PTPN4: variants seen among roughly 807,000 people sequenced by gnomAD.
PTPN4 encodes the protein protein tyrosine phosphatase non-receptor type 4.
In PTPN4, 49 loss-of-function variants were observed where a neutral mutation model predicts 135.5. The observed-to-expected ratio is 0.36, with a 90% CI of 0.29 to 0.46. The LOEUF is 0.46. Ranked by LOEUF, PTPN4 falls within the 20% of genes least tolerant of loss-of-function variation. PTPN4 has a pLI of 1.00. For missense variants in PTPN4, 860 were observed against 1,101.0 expected (o/e 0.78, Z 3.10); for synonymous variants, 333 against 369.9 (o/e 0.90, Z 1.14).
chr2:119,953,275 A>G (rs1558773480), intron 19 of PTPN4, among the ~76,000 whole-genome samples: 1 of 152,218 alleles, frequency 6.6e-6, no homozygotes, highest in South Asian at 2.1e-4. Flanking sequence ...GTACCATAGG[A>G]AAGTGAAATA....
In PTPN4 at chr2:119,980,614, C is replaced by A. The variant is rs1310460520; in HGVS notation, c.*3544C>A. 6.6e-6 allele frequency: 1 copy of A among 151,800 alleles called. No homozygotes were observed. Among genetic ancestry groups the A allele is most frequent in the Non-Finnish European group, 1.5e-5 (1 of 67,906 alleles). The allele number at this position is 151,800 out of a possible 1,614,324, so 9.4% of individuals were successfully genotyped here. On this transcript the variant is annotated 3_prime_UTR_variant, in exon 27 of 27. Coordinates refer to ENST00000263708, the MANE Select transcript of PTPN4 (RefSeq NM_002830.4). ...ATAACCTATGTGAATATCATAAATT[C>A]TTGTGAATTTTTGTCTATTTCCAGT...
chr2:119,931,433 CT>C (rs1158907026), intron 13 of PTPN4, among the ~76,000 whole-genome samples: 1,323 of 83,380 alleles, frequency 0.016, 2 homozygotes, highest in African/African-American at 0.043. Flanking sequence ...TTCTTTCTTT[CT>C]TTTTTTTTTT....
chr2:119,977,083 A>G lies in PTPN4; in HGVS notation c.*13A>G, dbSNP rs1444033464. 1 of 1,590,464 alleles carries G rather than the reference A, an allele frequency of 6.3e-7. No individual in the cohort carries two copies. Reference sequence around the variant, plus strand: ...AACAAATAAATAAGAAAGCAAAAAGATCTGGGATATGTGTTGGAAAACTGC... The same window carrying G: ...AACAAATAAATAAGAAAGCAAAAAGGTCTGGGATATGTGTTGGAAAACTGC... On this transcript the variant is annotated 3_prime_UTR_variant, in exon 27 of 27. Transcript: ENST00000263708.
chr2:119,801,486 T>G (rs1334733086), intron 1 of PTPN4, among the ~76,000 whole-genome samples: 1 of 152,224 alleles, frequency 6.6e-6, no homozygotes, highest in African/African-American at 2.4e-5. Flanking sequence ...TATGCCTATT[T>G]GGAGAGAATT....
At chr2:119,961,089 C>T (rs1348953631) in intron 23 of PTPN4, 136 bp downstream of exon 23, 16 of 1,096,098 alleles carry the variant, frequency 1.5e-5, no homozygotes, top group Middle Eastern at 5.9e-4. Context: ...TGTTTTAAAT[C>T]ATCATGTTTA....
At position 119,945,077 on chromosome 2, in the gene PTPN4, C is replaced by G. The variant is rs770718999; in HGVS notation, c.1356-4C>G. The G allele has an allele frequency of 3.2e-6, 5 of 1,574,596 alleles. No individual in the cohort carries two copies. In the African/African-American group the frequency reaches 6.9e-5, roughly 22 times the overall value. On this transcript the variant is annotated splice_region_variant and splice_polypyrimidine_tract_variant and intron_variant, in intron 15 of 26. Coordinates refer to ENST00000263708, the MANE Select transcript of PTPN4 (RefSeq NM_002830.4). ...ACAACTTCCAAATTTGTTTTCTTGT[C>G]TAGATCACAAGAGACCCCTGGAGAT...
At chr2:119,824,589 A>C (rs1677120364) in intron 2 of PTPN4, among the ~76,000 whole-genome samples, 1 of 152,104 alleles carries the variant, frequency 6.6e-6, no homozygotes, top group Non-Finnish European at 1.5e-5. Flanking sequence ...TATAATTTTT[A>C]TCTTTTGTAT....
At chr2:119,874,893 T>C (rs1677963229) in intron 3 of PTPN4, among the ~76,000 whole-genome samples, 1 of 152,216 alleles carries the variant, frequency 6.6e-6, no homozygotes, top group Admixed American at 6.5e-5. Flanking sequence ...TTTCAGAAGC[T>C]ATGTATGAGA....
At chr2:119,795,852 A>G (rs1691247402) in intron 1 of PTPN4, among the ~76,000 whole-genome samples, 2 of 152,094 alleles carry the variant, frequency 1.3e-5, no homozygotes, top group African/African-American at 4.8e-5. Flanking sequence ...CTGCTCCCTC[A>G]CTGGTGGGTG....
intron 9 of PTPN4, among the ~76,000 whole-genome samples, chr2:119,895,916 C>CAAAA (rs534245263): frequency 2.7e-5 from 3 of 111,050 alleles, no homozygotes; most frequent in African/African-American, 6.4e-5. Flanking sequence ...GACTCTGTCT[C>CAAAA]AAAAAAAAAA....
intron 25 of PTPN4, among the ~76,000 whole-genome samples, 158 bp downstream of exon 25, chr2:119,965,803 A>G (rs1420230751): frequency 1.3e-5 from 2 of 152,236 alleles, no homozygotes; most frequent in African/African-American, 2.4e-5. Context: ...GTTCTAACAT[A>G]TGATTGGCAG....
At chr2:119,804,838 C>A (rs1691438827) in intron 1 of PTPN4, among the ~76,000 whole-genome samples, 2 of 152,160 alleles carry the variant, frequency 1.3e-5, no homozygotes, top group Non-Finnish European at 2.9e-5. Flanking sequence ...AGTTCTAGAT[C>A]CTTGAGGAAT....
intron 1 of PTPN4, among the ~76,000 whole-genome samples, chr2:119,797,340 A>T (rs956590237): frequency 1.4e-4 from 21 of 152,150 alleles, no homozygotes; most frequent in African/African-American, 3.6e-4. Flanking sequence ...TCTTATCTTG[A>T]TGCCTGTATG....
At chr2:119,799,241 A>G (rs993708338) in intron 1 of PTPN4, among the ~76,000 whole-genome samples, 3 of 152,166 alleles carry the variant, frequency 2.0e-5, no homozygotes, top group Non-Finnish European at 2.9e-5. Flanking sequence ...GCTATTTTTA[A>G]CCTCCATAAG....
At chr2:119,909,869 A>G (rs1358999799) in intron 10 of PTPN4, among the ~76,000 whole-genome samples, 1 of 152,112 alleles carries the variant, frequency 6.6e-6, no homozygotes, top group Non-Finnish European at 1.5e-5. Flanking sequence ...TAACAAGAGA[A>G]CTATTATTAA....
Position 119,955,372 on chromosome 2 carries a change from C to G in PTPN4, c.1980+49C>G, listed in dbSNP as rs1244390151. On this transcript the variant is annotated intron_variant, in intron 20 of 26. Transcript: ENST00000263708. Reference sequence around the variant, plus strand: ...AAAGCATTTTGCTGATATTTGCTAACTAGTTTCATAGTTTCTTAAGTGCCT... The same window carrying G: ...AAAGCATTTTGCTGATATTTGCTAAGTAGTTTCATAGTTTCTTAAGTGCCT... The G allele has an allele frequency of 2.8e-6, 4 of 1,408,540 alleles. No homozygotes were observed. In the East Asian group the frequency reaches 1.0e-4, roughly 35 times the overall value. 87.3% of individuals were successfully genotyped at this position (1,408,540 alleles called of 1,614,324 possible).
rs1385696886 is a variant in PTPN4, at chr2:119,977,747, A to T, written c.*677A>T. ...AATAATGTAACTTATATTTATCATA[A>T]GGTTGGCTTATTCCAAATCATGTGA... On this transcript the variant is annotated 3_prime_UTR_variant, in exon 27 of 27. Transcript: ENST00000263708. 3 of 152,194 alleles carry T rather than the reference A, an allele frequency of 2.0e-5. No homozygotes were observed. The highest frequency in any genetic ancestry group is 7.2e-5 in the African/African-American group (3 of 41,442). 9.4% of individuals were successfully genotyped at this position (152,194 alleles called of 1,614,324 possible). A position where few individuals can be genotyped will look rare whatever the true frequency, so the allele number is the denominator to read the frequency against.
At chr2:119,783,422 A>G (rs1408832542) in intron 1 of PTPN4, among the ~76,000 whole-genome samples, 1 of 151,208 alleles carries the variant, frequency 6.6e-6, no homozygotes, top group Admixed American at 6.6e-5. Flanking sequence ...TTTCTGGGGC[A>G]AGTGTTGAGG....
In PTPN4 at chr2:119,847,328, A is replaced by ATTTTTT. The variant is rs150876390; in HGVS notation, c.139-15197_139-15192dup. Among the ~76,000 whole-genome samples, 146 of 102,718 alleles carry ATTTTTT rather than the reference A, an allele frequency of 1.4e-3. 3 individuals carry two copies. Among genetic ancestry groups the ATTTTTT allele is most frequent in the African/African-American group, 5.9e-3 (135 of 22,888 alleles). The allele number at this position is 102,718 out of a possible 152,430, so 67.4% of individuals were successfully genotyped here. A position where few individuals can be genotyped will look rare whatever the true frequency, so the allele number is the denominator to read the frequency against. On this transcript the variant is annotated intron_variant, in intron 2 of 26. Coordinates refer to ENST00000263708, the MANE Select transcript of PTPN4 (RefSeq NM_002830.4). The stretch of plus-strand genomic sequence containing the variant: ...CACACACACACACATATATATATAT[A>ATTTTTT]TTTTTTTTTTTTTTTTGAGACAGAG...
Sources: allele counts gnomAD v4.1 joint callset (sites outside exome capture counted in the v4.1 genomes callset), GRCh38; gene constraint gnomAD v4.1.1; transcripts MANE v1.5; gene names NCBI Gene and HGNC (gene_info 2026-07-23, HGNC 2026-07-21).